ARAP2: variants seen among roughly 807,000 people sequenced by gnomAD.
ARAP2 encodes the protein ArfGAP with RhoGAP domain, ankyrin repeat and PH domain 2.
A neutral mutation model predicts 194.5 loss-of-function variants in ARAP2; 148 were observed. That is an observed-to-expected ratio of 0.76 (90% CI 0.67 to 0.87). ARAP2 has a LOEUF of 0.87. ARAP2 is among the 40% of genes least tolerant of loss of function. The probability of loss-of-function intolerance (pLI) is 0.00; values close to 1 mark genes in which losing one functional copy is unlikely to be tolerated. For missense variants in ARAP2, 2,128 were observed against 1,989.7 expected, an observed-to-expected ratio of 1.07 and a Z score of -1.32; for synonymous variants, 695 against 683.5, an observed-to-expected ratio of 1.02 and a Z score of -0.26.
chr4:36,186,750 T>C (rs1316849341), intron 8 of ARAP2, among the ~76,000 whole-genome samples: 4 of 152,254 alleles, frequency 2.6e-5, no homozygotes, highest in East Asian at 3.8e-4. Context: ...AAAATGTGCA[T>C]GCAAGGAATT....
chr4:36,119,396 C>G (rs1194509791), intron 24 of ARAP2, among the ~76,000 whole-genome samples: 1 of 151,360 alleles, frequency 6.6e-6, no homozygotes, highest in East Asian at 1.9e-4. Context: ...GTTTTATACA[C>G]AAAAGTTGAT....
At chr4:36,161,774 T>C (rs1272860566) in intron 11 of ARAP2, among the ~76,000 whole-genome samples, 1 of 117,744 alleles carries the variant, frequency 8.5e-6, no homozygotes, top group Non-Finnish European at 1.6e-5. Context: ...GCAGCAATCA[T>C]CATCAGCATC....
intron 5 of ARAP2, among the ~76,000 whole-genome samples, chr4:36,212,029 CT>C (rs1746864856): frequency 2.6e-5 from 1 of 38,334 alleles, no homozygotes; most frequent in South Asian, 1.0e-3. Flanking sequence ...ATATATTATA[CT>C]TGTAAAAGTC....
intron 9 of ARAP2, among the ~76,000 whole-genome samples, chr4:36,009,164 C>G (rs1168410619): frequency 1.3e-5 from 2 of 152,066 alleles, no homozygotes; most frequent in Admixed American, 6.6e-5. Context: ...ATGAATTGAA[C>G]TACCATTTGA....
rs1178144909 is a variant in ARAP2, at chr4:36,068,095, C to A, written c.4927G>T (p.Ala1643Ser). Residue 1643 changes from alanine to serine, a missense_variant, in exon 33 of 33, where the codon GCC becomes TCC. Coordinates refer to ENST00000303965, the MANE Select transcript of ARAP2 (RefSeq NM_015230.4). ...TGGCCTTTTGGTTGCCCAAGTGGGG[C>A]TTCAGGCTCTGTGTCCTCCAGGCAG... ...FNCLEDTEPE[A>S]PLGQPKGHKG... 6.2e-7 allele frequency: 1 copy of A among 1,614,098 alleles called. No homozygotes were observed. The highest frequency in any genetic ancestry group is 1.1e-5 in the South Asian group (1 of 91,072).
At position 36,229,552 on chromosome 4, in the gene ARAP2, T is replaced by C. The variant is rs181450514; in HGVS notation, c.-66A>G. 14 of 1,270,272 alleles carry C rather than the reference T, an allele frequency of 1.1e-5. No individual in the cohort carries two copies. In the Admixed American group the frequency reaches 2.7e-4, roughly 24 times the overall value. 78.7% of individuals were successfully genotyped at this position (1,270,272 alleles called of 1,614,324 possible). ...ACGATGAGACACACACACAAGAAGA[T>C]GTACTTCTCTACTGGCTTTTCCTCT... is the stretch of plus-strand genomic sequence containing the variant. On this transcript the variant is annotated 5_prime_UTR_variant, in exon 2 of 33. Coordinates refer to ENST00000303965, the MANE Select transcript of ARAP2 (RefSeq NM_015230.4).
chr4:36,014,291 A>AAGAAAGAG (rs1715236487), intron 8 of ARAP2, among the ~76,000 whole-genome samples: 1 of 142,850 alleles, frequency 7.0e-6, no homozygotes, highest in Non-Finnish European at 1.5e-5. Context: ...GAAAGAAAGA[A>AAGAAAGAG]AGAAAGAAGA....
intron 2 of ARAP2, among the ~76,000 whole-genome samples, chr4:36,226,859 G>T (rs1209106379): frequency 6.6e-6 from 1 of 152,052 alleles, no homozygotes; most frequent in African/African-American, 2.4e-5. Flanking sequence ...GCTCCCAAAG[G>T]GATTCAGTCC....
chr4:36,180,946 C>G (rs1425053345), intron 8 of ARAP2, among the ~76,000 whole-genome samples: 1 of 152,196 alleles, frequency 6.6e-6, no homozygotes, highest in Non-Finnish European at 1.5e-5. Flanking sequence ...AAATAGATTA[C>G]AAGTGTCAAC....
intron 19 of ARAP2, among the ~76,000 whole-genome samples, chr4:36,141,414 C>A (rs184174314): frequency 1.3e-4 from 20 of 151,542 alleles, no homozygotes; most frequent in Non-Finnish European, 2.4e-4. Flanking sequence ...ATCTGGAACA[C>A]CTTCTGTTTA....
chr4:36,023,771 G>A (rs1434544325), intron 5 of ARAP2, among the ~76,000 whole-genome samples: 1 of 152,202 alleles, frequency 6.6e-6, no homozygotes, highest in Non-Finnish European at 1.5e-5. Context: ...AAGCGGGAAA[G>A]TGGGCATGAA....
intron 6 of ARAP2, among the ~76,000 whole-genome samples, chr4:36,193,852 T>C (rs944181496): frequency 4.6e-5 from 7 of 152,214 alleles, no homozygotes; most frequent in African/African-American, 1.7e-4. Flanking sequence ...GACCTAGGAA[T>C]TTTTTGTTAA....
intron 2 of ARAP2, among the ~76,000 whole-genome samples, chr4:36,226,493 A>G (rs1750333093): frequency 6.6e-6 from 1 of 152,108 alleles, no homozygotes; most frequent in African/African-American, 2.4e-5. Context: ...CCTTGTTAAA[A>G]AAACGTATCT....
intron 5 of ARAP2, among the ~76,000 whole-genome samples, chr4:36,029,726 A>C (rs1363464340): frequency 6.6e-6 from 1 of 150,694 alleles, no homozygotes; most frequent in Non-Finnish European, 1.5e-5. Flanking sequence ...GTTATTTGTA[A>C]AGATTTCAGT....
At chr4:36,159,189 C>G in intron 14 of ARAP2, 142 bp downstream of exon 14, 1 of 851,254 alleles carries the variant, frequency 1.2e-6, no homozygotes, top group Non-Finnish European at 1.7e-6. Flanking sequence ...AAAAAATAGT[C>G]TTAGGCATCT....
chr4:36,095,061 G>A (rs537363120), intron 27 of ARAP2, among the ~76,000 whole-genome samples: 9 of 152,262 alleles, frequency 5.9e-5, no homozygotes, highest in African/African-American at 2.2e-4. Flanking sequence ...GGATTAATTT[G>A]TATTGACAGG....
chr4:36,147,981 A>T (rs1371422472), intron 17 of ARAP2, among the ~76,000 whole-genome samples: 2 of 152,170 alleles, frequency 1.3e-5, no homozygotes, highest in Admixed American at 6.6e-5. Context: ...ATAGAGTTGA[A>T]ACTGCAAGGC....
chr4:36,243,444 G>A (rs1454598514), intron 1 of ARAP2, among the ~76,000 whole-genome samples: 2 of 135,950 alleles, frequency 1.5e-5, no homozygotes, highest in African/African-American at 2.9e-5. Context: ...AACACCCTAA[G>A]ATGTCATTAT....
intron 31 of ARAP2, 160 bp from the exon 32 acceptor site, chr4:36,073,983 G>A (rs548015596): frequency 5.0e-4 from 459 of 918,372 alleles, no homozygotes; most frequent in Non-Finnish European, 6.2e-4. Flanking sequence ...TGGCAGCATC[G>A]CTCCAGGACA....
Sources: allele counts gnomAD v4.1 joint callset (sites outside exome capture counted in the v4.1 genomes callset), GRCh38; gene constraint gnomAD v4.1.1; transcripts MANE v1.5; gene names NCBI Gene and HGNC (gene_info 2026-07-23, HGNC 2026-07-21).